CNTNAP2: variants seen among roughly 807,000 people sequenced by gnomAD.
CNTNAP2 encodes the protein contactin associated protein 2.
CNTNAP2 carries 98 observed loss-of-function variants against 155.2 expected under a neutral mutation model. The observed-to-expected ratio is 0.63, with a 90% CI of 0.54 to 0.75. CNTNAP2 has a LOEUF of 0.75. Ranked by LOEUF, CNTNAP2 falls within the 30% of genes least tolerant of loss-of-function variation. The pLI is 0.00. For synonymous variants in CNTNAP2, 651 were observed against 631.2 expected (o/e 1.03, Z -0.47); for missense variants, 1,727 against 1,688.1 (o/e 1.02, Z -0.40).
At chr7:147,007,603 T>TTGTG (rs1400437883) in intron 3 of CNTNAP2, among the ~76,000 whole-genome samples, 13 of 152,100 alleles carry the variant, frequency 8.5e-5, no homozygotes, top group African/African-American at 3.1e-4. Flanking sequence ...TGGTTGTGGG[T>TTGTG]TGTGGGCTGT....
intron 16 of CNTNAP2, among the ~76,000 whole-genome samples, chr7:148,122,375 G>A (rs890075980): frequency 6.6e-6 from 1 of 152,194 alleles, no homozygotes; most frequent in Admixed American, 6.5e-5. Context: ...TCCCAGGGAT[G>A]GAATGCTTTA....
At chr7:146,155,943 A>G (rs1475834015) in intron 1 of CNTNAP2, among the ~76,000 whole-genome samples, 1 of 151,836 alleles carries the variant, frequency 6.6e-6, no homozygotes. Flanking sequence ...GCCTCAGGTG[A>G]TCCTCCCACC....
intron 3 of CNTNAP2, among the ~76,000 whole-genome samples, chr7:147,043,553 C>A (rs890808789): frequency 6.6e-6 from 1 of 152,082 alleles, no homozygotes; most frequent in Non-Finnish European, 1.5e-5. Flanking sequence ...TTTTAGAGAG[C>A]AAGACATATG....
At chr7:147,280,255 A>C (rs542465264) in intron 8 of CNTNAP2, among the ~76,000 whole-genome samples, 1 of 151,900 alleles carries the variant, frequency 6.6e-6, no homozygotes, top group Non-Finnish European at 1.5e-5. Flanking sequence ...GGAATAAATA[A>C]ATTAAACAAC....
At chr7:146,847,409 T>C (rs2129202210) in intron 3 of CNTNAP2, among the ~76,000 whole-genome samples, 1 of 152,292 alleles carries the variant, frequency 6.6e-6, no homozygotes, top group African/African-American at 2.4e-5. Flanking sequence ...ACGCAGATTC[T>C]TTAAGCTTTC....
chr7:147,164,555 G>A (rs372061190), intron 8 of CNTNAP2, among the ~76,000 whole-genome samples: 21 of 152,212 alleles, frequency 1.4e-4, no homozygotes, highest in African/African-American at 5.1e-4. Flanking sequence ...GTTAACATAA[G>A]GAGGAATACA....
At chr7:147,366,611 T>C (rs1448953172) in intron 9 of CNTNAP2, among the ~76,000 whole-genome samples, 1 of 152,132 alleles carries the variant, frequency 6.6e-6, no homozygotes, top group Admixed American at 6.5e-5. Flanking sequence ...ATTTTTAGTA[T>C]AAGTAAAACA....
intron 11 of CNTNAP2, among the ~76,000 whole-genome samples, chr7:147,535,668 C>T (rs1016896334): frequency 1.3e-5 from 2 of 152,142 alleles, no homozygotes; most frequent in Admixed American, 1.3e-4. Context: ...CTCCATTTGC[C>T]TGGCTCCTCG....
chr7:146,738,209 C>G (rs1434812370), intron 1 of CNTNAP2, among the ~76,000 whole-genome samples: 1 of 151,990 alleles, frequency 6.6e-6, no homozygotes, highest in East Asian at 1.9e-4. Context: ...GCCATTCTAA[C>G]AGGTATAAGG....
intron 1 of CNTNAP2, among the ~76,000 whole-genome samples, chr7:146,521,321 T>C (rs916748394): frequency 6.6e-6 from 1 of 151,928 alleles, no homozygotes; most frequent in African/African-American, 2.4e-5. Flanking sequence ...AAACAGGTGG[T>C]AGTCTGAATT....
intron 13 of CNTNAP2, among the ~76,000 whole-genome samples, chr7:147,801,934 G>A (rs1244409803): frequency 6.6e-6 from 1 of 151,256 alleles, no homozygotes; most frequent in Admixed American, 6.6e-5. Flanking sequence ...CCTGGACGGG[G>A]CGGCTGGCCG....
chr7:146,791,886 A>G (rs537592020), intron 2 of CNTNAP2, among the ~76,000 whole-genome samples: 97 of 152,314 alleles, frequency 6.4e-4, no homozygotes, highest in African/African-American at 2.2e-3. Flanking sequence ...TATTGGATTA[A>G]TGTAGATTTT....
chr7:146,727,083 T>C (rs916621847), intron 1 of CNTNAP2, among the ~76,000 whole-genome samples: 1 of 152,144 alleles, frequency 6.6e-6, no homozygotes, highest in Non-Finnish European at 1.5e-5. Flanking sequence ...GTAATTCTAG[T>C]TGAAATGTGA....
At chr7:147,614,403 T>G (rs1420281903) in intron 12 of CNTNAP2, among the ~76,000 whole-genome samples, 1 of 152,130 alleles carries the variant, frequency 6.6e-6, no homozygotes, top group African/African-American at 2.4e-5. Flanking sequence ...AATAAGTTCT[T>G]GCATATATTT....
At chr7:148,318,168 T>C (rs1490039765) in intron 21 of CNTNAP2, among the ~76,000 whole-genome samples, 2 of 152,166 alleles carry the variant, frequency 1.3e-5, no homozygotes, top group Admixed American at 1.3e-4. Context: ...GCCTAGATCT[T>C]AGAATCAGGA....
intron 13 of CNTNAP2, among the ~76,000 whole-genome samples, chr7:147,828,210 C>T (rs905939421): frequency 3.3e-5 from 5 of 152,190 alleles, no homozygotes; most frequent in Admixed American, 6.5e-5. Flanking sequence ...TACTTACTAT[C>T]TCTGGAACTA....
intron 9 of CNTNAP2, among the ~76,000 whole-genome samples, chr7:147,378,980 C>T (rs899606363): frequency 2.0e-5 from 3 of 152,084 alleles, no homozygotes; most frequent in Middle Eastern, 3.4e-3. Flanking sequence ...GGCAGCAGTT[C>T]CCCCCATGCT....
chr7:146,907,035 C>T (rs374817023), intron 3 of CNTNAP2, among the ~76,000 whole-genome samples: 4,761 of 149,296 alleles, frequency 0.032, 98 homozygotes, highest in Middle Eastern at 0.079. Context: ...TGCGATCAAC[C>T]GGAAGAAAGG....
At chr7:148,071,354 C>G (rs1323931483) in intron 15 of CNTNAP2, among the ~76,000 whole-genome samples, 1 of 152,178 alleles carries the variant, frequency 6.6e-6, no homozygotes, top group East Asian at 1.9e-4. Flanking sequence ...GCAGCAGGTG[C>G]ATGTAATCCC....
Sources: allele counts gnomAD v4.1 joint callset (sites outside exome capture counted in the v4.1 genomes callset), GRCh38; gene constraint gnomAD v4.1.1; transcripts MANE v1.5; gene names NCBI Gene and HGNC (gene_info 2026-07-23, HGNC 2026-07-21).